Variants in ADAMTS17 observed in about 807,000 individuals in gnomAD.
ADAMTS17 encodes A disintegrin and metalloproteinase with thrombospondin motifs 17.
In ADAMTS17, 113 loss-of-function variants were observed where a neutral mutation model predicts 141.5. The ratio of observed to expected loss-of-function variants is 0.80; its 90% CI spans 0.69 to 0.93. The LOEUF (loss-of-function observed/expected upper bound fraction) is 0.93. Ranked by LOEUF, ADAMTS17 falls within the 40% of genes least tolerant of loss-of-function variation. The probability of loss-of-function intolerance (pLI) is 0.00; values close to 1 mark genes in which losing one functional copy is unlikely to be tolerated. For synonymous variants in ADAMTS17, 768 were observed against 630.6 expected, an observed-to-expected ratio of 1.22 and a Z score of -3.27; for missense variants, 1,659 against 1,517.9, an observed-to-expected ratio of 1.09 and a Z score of -1.54.
At chr15:100,132,197 C>T in intron 11 of ADAMTS17, 45 bp from the exon 12 acceptor site, 2 of 1,598,964 alleles carry the variant, frequency 1.3e-6, no homozygotes, top group Middle Eastern at 1.8e-4. Flanking sequence ...CTCAGCAGAG[C>T]TGCTCACTCC....
At chr15:100,302,632 C>T (rs1397122520) in intron 3 of ADAMTS17, among the ~76,000 whole-genome samples, 4 of 152,114 alleles carry the variant, frequency 2.6e-5, no homozygotes, top group Non-Finnish European at 4.4e-5. Context: ...TTTGCATTTC[C>T]CTGATGGCTG....
Position 100,310,347 on chromosome 15 carries a change from TC to T in ADAMTS17, c.616+20541del, listed in dbSNP as rs1596494049. 5.9e-5 allele frequency among the ~76,000 whole-genome samples: 9 copies of T among 152,334 alleles called. No homozygotes were observed. The South Asian group carries it at 8.3e-4, about 14-fold the overall frequency. On this transcript the variant is annotated intron_variant, in intron 3 of 21. Transcript: ENST00000268070. The stretch of plus-strand genomic sequence containing the variant: ...AAGCACAGTGAGAGAAGCAGCCACA[TC>T]CCTGGCAGCAGTGGAAACAGTTTAT...
chr15:100,193,228 T>G (rs1197041094), intron 8 of ADAMTS17, among the ~76,000 whole-genome samples: 1 of 152,218 alleles, frequency 6.6e-6, no homozygotes, highest in Non-Finnish European at 1.5e-5. Context: ...CACAGGTCAC[T>G]TTACGCTTTG....
intron 18 of ADAMTS17, among the ~76,000 whole-genome samples, chr15:100,037,865 CG>C (rs1413754781): frequency 6.6e-6 from 1 of 152,084 alleles, no homozygotes; most frequent in Non-Finnish European, 1.5e-5. Flanking sequence ...ACTGCAGCCT[CG>C]ACCTCCCATT....
intron 15 of ADAMTS17, among the ~76,000 whole-genome samples, chr15:100,081,295 G>C (rs567666652): frequency 6.6e-6 from 1 of 152,208 alleles, no homozygotes; most frequent in South Asian, 2.1e-4. Flanking sequence ...CTCAGCTTGC[G>C]GACAGCCTAT....
chr15:100,236,437 T>C (rs1013708710), intron 7 of ADAMTS17, among the ~76,000 whole-genome samples: 3 of 152,142 alleles, frequency 2.0e-5, no homozygotes, highest in Admixed American at 6.5e-5. Flanking sequence ...CAGCCGGCTA[T>C]GTTTAAAGGA....
chr15:100,197,917 C>T (rs1261905171), intron 8 of ADAMTS17, among the ~76,000 whole-genome samples: 4 of 152,152 alleles, frequency 2.6e-5, no homozygotes, highest in African/African-American at 9.7e-5. Flanking sequence ...AGCAAACTAA[C>T]CCAGGAACAG....
At chr15:99,988,710 G>A (rs971629289) in intron 20 of ADAMTS17, among the ~76,000 whole-genome samples, 10 of 152,234 alleles carry the variant, frequency 6.6e-5, no homozygotes, top group East Asian at 3.9e-4. Context: ...AAGAGAGGAC[G>A]GCCAGGCAAA....
In ADAMTS17 at chr15:100,109,495, G is replaced by C. The variant is rs538321601; in HGVS notation, c.1889-379C>G. Among the ~76,000 whole-genome samples the C allele has an allele frequency of 4.0e-5, 6 of 151,726 alleles. No individual in the cohort carries two copies. The South Asian group carries it at 1.3e-3, about 32-fold the overall frequency. ...TAGCGAGGGTGTGAAGGGAGGGGGA[G>C]GGGAAGGGGAACGAGAATGCCTCTG... On this transcript the variant is annotated intron_variant, in intron 13 of 21. Transcript: ENST00000268070.
chr15:100,021,037 T>C (rs1008075796), intron 18 of ADAMTS17, among the ~76,000 whole-genome samples: 1 of 152,330 alleles, frequency 6.6e-6, no homozygotes, highest in East Asian at 1.9e-4. Context: ...TGGTTCAGTC[T>C]GTGGCTTCTT....
At chr15:99,994,387 G>A (rs572374332) in intron 19 of ADAMTS17, among the ~76,000 whole-genome samples, 2 of 151,650 alleles carry the variant, frequency 1.3e-5, no homozygotes, top group Non-Finnish European at 2.9e-5. Context: ...GGAGGCTGAG[G>A]TGGGAGGATC....
intron 15 of ADAMTS17, among the ~76,000 whole-genome samples, chr15:100,083,535 A>G (rs755620549): frequency 6.4e-4 from 97 of 152,126 alleles, no homozygotes; most frequent in Non-Finnish European, 9.1e-4. Context: ...TCAATCATCC[A>G]GAAAGAAAGT....
intron 3 of ADAMTS17, among the ~76,000 whole-genome samples, chr15:100,294,413 A>G (rs746711): frequency 0.056 from 8,536 of 152,122 alleles, 526 homozygotes; most frequent in East Asian, 0.24. Context: ...CTCCATCACA[A>G]AAAAAATGAA....
chr15:100,192,678 G>A (rs1312699404), intron 8 of ADAMTS17, among the ~76,000 whole-genome samples: 2 of 152,160 alleles, frequency 1.3e-5, no homozygotes, highest in Non-Finnish European at 2.9e-5. Context: ...GGTCCATTCC[G>A]TGTCCCCACA....
At chr15:99,983,940 T>C (rs2060531342) in intron 20 of ADAMTS17, among the ~76,000 whole-genome samples, 1 of 151,968 alleles carries the variant, frequency 6.6e-6, no homozygotes, top group Non-Finnish European at 1.5e-5. Context: ...CCCCGAGACT[T>C]GGCATGAGCG....
chr15:100,068,566 C>T (rs537338620), intron 15 of ADAMTS17, among the ~76,000 whole-genome samples: 30 of 152,204 alleles, frequency 2.0e-4, no homozygotes, highest in African/African-American at 4.8e-4. Context: ...TCCAGAGGAA[C>T]GATCAGGCAG....
intron 15 of ADAMTS17, among the ~76,000 whole-genome samples, chr15:100,075,938 A>G (rs2034340852): frequency 6.6e-6 from 1 of 152,156 alleles, no homozygotes; most frequent in Admixed American, 6.5e-5. Flanking sequence ...TCTCCTACGT[A>G]TGTCCTCAAT....
chr15:100,215,978 T>A (rs1056203116), intron 7 of ADAMTS17, among the ~76,000 whole-genome samples: 2 of 152,172 alleles, frequency 1.3e-5, no homozygotes, highest in African/African-American at 4.8e-5. Context: ...CCCTTGGCCA[T>A]TCTTGGGAAT....
chr15:100,117,340 C>A (rs1166291135), intron 12 of ADAMTS17, among the ~76,000 whole-genome samples: 3 of 152,148 alleles, frequency 2.0e-5, no homozygotes, highest in African/African-American at 7.2e-5. Flanking sequence ...ACTGAAAACC[C>A]AAGGGACACT....
Sources: gnomAD v4.1 joint callset for allele counts (sites outside exome capture counted in the v4.1 genomes callset) on GRCh38, gnomAD v4.1.1 for gene constraint, MANE v1.5 for transcripts, NCBI Gene and HGNC (gene_info 2026-07-23, HGNC 2026-07-21) for gene names.